DOCK2: variants seen among roughly 807,000 people sequenced by gnomAD.
DOCK2 encodes the protein dedicator of cytokinesis protein 2.
A neutral mutation model predicts 248.9 loss-of-function variants in DOCK2; 87 were observed. That is an observed-to-expected ratio of 0.35 (90% confidence interval 0.29 to 0.42). The LOEUF (loss-of-function observed/expected upper bound fraction) is 0.42, where lower values mean the gene tolerates loss of function less well. Ranked by LOEUF, DOCK2 falls within the 10% of genes least tolerant of loss-of-function variation. DOCK2 has a pLI of 1.00. For missense variants in DOCK2, 1,747 were observed against 2,300.2 expected (o/e 0.76, Z 4.92); for synonymous variants, 805 against 821.6 (o/e 0.98, Z 0.35).
chr5:169,794,800 G>A (rs557081307), intron 25 of DOCK2, among the ~76,000 whole-genome samples: 67 of 152,328 alleles, frequency 4.4e-4, no homozygotes, highest in African/African-American at 1.6e-3. Flanking sequence ...GCAGGCGCCT[G>A]TAGTCCCAGC....
At chr5:170,040,039 T>G (rs1369512737) in intron 36 of DOCK2, among the ~76,000 whole-genome samples, 1 of 152,232 alleles carries the variant, frequency 6.6e-6, no homozygotes, top group African/African-American at 2.4e-5. Flanking sequence ...AGGTAATAAC[T>G]GTCACTGCTC....
At chr5:169,832,262 C>A (rs1475914046) in intron 26 of DOCK2, among the ~76,000 whole-genome samples, 1 of 152,170 alleles carries the variant, frequency 6.6e-6, no homozygotes, top group African/African-American at 2.4e-5. Flanking sequence ...AGAATTAGAA[C>A]CCACATCTTC....
rs768394397 is a variant in DOCK2, at chr5:169,764,542, G to A, written c.2554+2917G>A. ...AATAAGAACAATAACGTCTGTCTTA[G>A]AGGGTGATAGTGTGGGCTAATGAGA... On this transcript the variant is annotated intron_variant, in intron 25 of 51. Transcript: ENST00000520908. The surrounding 1 kb of genome is among the most constrained non-coding windows in gnomAD (Gnocchi z 4.3). Among the ~76,000 whole-genome samples the A allele has an allele frequency of 6.6e-6, 1 of 152,204 alleles. No individual in the cohort carries two copies. Among genetic ancestry groups the A allele is most frequent in the Non-Finnish European group, 1.5e-5 (1 of 68,032 alleles).
intron 27 of DOCK2, among the ~76,000 whole-genome samples, chr5:169,854,464 G>T (rs376576531): frequency 2.6e-5 from 4 of 152,332 alleles, no homozygotes; most frequent in African/African-American, 9.6e-5. Context: ...GATTACAGGT[G>T]TGAGCCACCA....
intron 2 of DOCK2, among the ~76,000 whole-genome samples, chr5:169,665,316 A>G (rs886065235): frequency 1.5e-4 from 21 of 143,940 alleles, no homozygotes; most frequent in African/African-American, 4.9e-4. Flanking sequence ...ATGTTTATAT[A>G]TAAGTATCAG....
intron 27 of DOCK2, among the ~76,000 whole-genome samples, chr5:169,919,595 G>A (rs757568059): frequency 6.6e-6 from 1 of 152,172 alleles, no homozygotes; most frequent in Admixed American, 6.5e-5. Flanking sequence ...TTGAAGAAGT[G>A]GTAAGTGTAT....
chr5:169,701,267 A>G (rs1760953148), intron 13 of DOCK2, among the ~76,000 whole-genome samples: 1 of 152,214 alleles, frequency 6.6e-6, no homozygotes, highest in South Asian at 2.1e-4. Context: ...TGAGGTCTTC[A>G]AACTAAATTT....
At chr5:169,974,616 G>A (rs531946637) in intron 27 of DOCK2, among the ~76,000 whole-genome samples, 6 of 151,998 alleles carry the variant, frequency 3.9e-5, no homozygotes, top group Non-Finnish European at 7.4e-5. Context: ...GAGTGGGAGC[G>A]GAGCTGCTTA....
In DOCK2 at chr5:170,030,074, T is replaced by C. The variant is rs142577830; in HGVS notation, c.3467+2126T>C. On this transcript the variant is annotated intron_variant, in intron 34 of 51. Coordinates refer to ENST00000520908, the MANE Select transcript of DOCK2 (RefSeq NM_004946.3). The stretch of plus-strand genomic sequence containing the variant: ...AATATTCTGGCTGAGTCAGTGTTTA[T>C]CTTAAAGTTCTAAACAAGAAAATCA... 6.2e-4 allele frequency among the ~76,000 whole-genome samples: 94 copies of C among 152,338 alleles called. 2 individuals are homozygous for C. The highest frequency in any genetic ancestry group is 2.0e-3 in the African/African-American group (85 of 41,574).
At chr5:169,751,645 C>T (rs187476612) in intron 23 of DOCK2, among the ~76,000 whole-genome samples, 1 of 152,318 alleles carries the variant, frequency 6.6e-6, no homozygotes. Flanking sequence ...AGTTATTGCC[C>T]ATCTCTAATG....
At chr5:169,746,300 T>C (rs1763608589) in intron 22 of DOCK2, among the ~76,000 whole-genome samples, 1 of 151,826 alleles carries the variant, frequency 6.6e-6, no homozygotes, top group Non-Finnish European at 1.5e-5. Context: ...AGAAATGAAG[T>C]AGAAAGACGG....
At chr5:169,754,688 A>G (rs901471911) in intron 23 of DOCK2, among the ~76,000 whole-genome samples, 6 of 152,146 alleles carry the variant, frequency 3.9e-5, no homozygotes, top group Admixed American at 1.3e-4. Flanking sequence ...GCAGTAGTGG[A>G]CGTACTGGAT....
chr5:170,025,820 C>CTTCCTTCCTTCCTTCCTTCCTTCCTTCT (rs1755891477), intron 33 of DOCK2, among the ~76,000 whole-genome samples: 10 of 108,538 alleles, frequency 9.2e-5, no homozygotes, highest in African/African-American at 3.6e-4. Flanking sequence ...TCCTTCCTTC[C>CTTCCTTCCTTCCTTCCTTCCTTCCTTCT]TTCCTTCCTT....
At chr5:169,776,590 G>A (rs1765395620) in intron 25 of DOCK2, among the ~76,000 whole-genome samples, 2 of 152,174 alleles carry the variant, frequency 1.3e-5, no homozygotes, top group African/African-American at 4.8e-5. Flanking sequence ...GAAGGACACT[G>A]GCTATAGTCA....
At chr5:169,806,273 A>G (rs1449261992) in intron 26 of DOCK2, among the ~76,000 whole-genome samples, 1 of 138,656 alleles carries the variant, frequency 7.2e-6, no homozygotes, top group Non-Finnish European at 1.5e-5. Flanking sequence ...CTGAGTAGAT[A>G]CAACTATAGG....
At chr5:169,993,660 G>T (rs909318013) in intron 29 of DOCK2, among the ~76,000 whole-genome samples, 1 of 152,028 alleles carries the variant, frequency 6.6e-6, no homozygotes, top group African/African-American at 2.4e-5. Context: ...ACCTGGCCCT[G>T]CAGTGCCTGA....
chr5:169,700,888 G>A (rs111430698), intron 13 of DOCK2, among the ~76,000 whole-genome samples: 1 of 150,886 alleles, frequency 6.6e-6, no homozygotes, highest in Non-Finnish European at 1.5e-5. Context: ...GGCAGGGAGA[G>A]AGAGAGAGAG....
At chr5:169,681,643 A>AAT in intron 6 of DOCK2, 101 bp from the exon 7 acceptor site, 1 of 1,390,646 alleles carries the variant, frequency 7.2e-7, no homozygotes, top group Non-Finnish European at 9.7e-7. Context: ...ATGTGACTAT[A>AAT]TGACCCCCAG....
chr5:169,998,124 A>G (rs1200481232), intron 30 of DOCK2: 1 of 445,052 alleles, frequency 2.2e-6, no homozygotes, highest in African/African-American at 2.0e-5. Flanking sequence ...CACAGTCATT[A>G]TGCAAAACCA....
Sources: gnomAD v4.1 joint callset for allele counts (sites outside exome capture counted in the v4.1 genomes callset) on GRCh38, gnomAD v4.1.1 for gene constraint, Gnocchi (gnomAD v3.1) non-coding constraint, MANE v1.5 for transcripts, NCBI Gene and HGNC (gene_info 2026-07-23, HGNC 2026-07-21) for gene names.